Variants in CNTN5 observed in about 807,000 individuals in gnomAD.
CNTN5 encodes the protein contactin-5.
A neutral mutation model predicts 129.1 loss-of-function variants in CNTN5; 77 were observed. The ratio of observed to expected loss-of-function variants is 0.60; its 90% confidence interval spans 0.50 to 0.72. The LOEUF (loss-of-function observed/expected upper bound fraction) is 0.72. CNTN5 is among the 30% of genes least tolerant of loss of function. CNTN5 has a pLI of 0.00. For synonymous variants in CNTN5, 509 were observed against 465.6 expected, an observed-to-expected ratio of 1.09 and a Z score of -1.20; for missense variants, 1,478 against 1,328.8, an observed-to-expected ratio of 1.11 and a Z score of -1.75.
chr11:99,981,094 A>ATATATATATATATG (rs1364632953), intron 8 of CNTN5, among the ~76,000 whole-genome samples: 1 of 81,248 alleles, frequency 1.2e-5, no homozygotes, highest in East Asian at 4.2e-4. Context: ...ATATATATAT[A>ATATATATATATATG]TATATATATA....
chr11:100,117,296 C>A (rs1322426748), intron 13 of CNTN5, among the ~76,000 whole-genome samples: 2 of 151,870 alleles, frequency 1.3e-5, no homozygotes, highest in African/African-American at 4.8e-5. Context: ...CTTTGTGACA[C>A]TGATTGAGCC....
At chr11:99,506,986 A>G (rs898857108) in intron 2 of CNTN5, among the ~76,000 whole-genome samples, 1 of 152,220 alleles carries the variant, frequency 6.6e-6, no homozygotes, top group African/African-American at 2.4e-5. Flanking sequence ...TTTGACATCT[A>G]ACATATGAAA....
At chr11:99,959,995 A>T (rs1591483768) in intron 8 of CNTN5, among the ~76,000 whole-genome samples, 2 of 152,300 alleles carry the variant, frequency 1.3e-5, no homozygotes, top group East Asian at 3.9e-4. Flanking sequence ...AAAAACCCAC[A>T]AAATCCTACT....
chr11:99,671,432 G>A (rs1462754005), intron 3 of CNTN5, among the ~76,000 whole-genome samples: 1 of 152,118 alleles, frequency 6.6e-6, no homozygotes, highest in African/African-American at 2.4e-5. Context: ...ATACGGTTGG[G>A]TAAACTGCTG....
At chr11:99,319,189 A>T (rs1406503388) in intron 1 of CNTN5, among the ~76,000 whole-genome samples, 2 of 152,204 alleles carry the variant, frequency 1.3e-5, no homozygotes, top group African/African-American at 2.4e-5. Context: ...CTGATACTTA[A>T]TATGTGTGTA....
intron 2 of CNTN5, among the ~76,000 whole-genome samples, chr11:99,361,714 C>T (rs1342854619): frequency 6.6e-6 from 1 of 152,108 alleles, no homozygotes; most frequent in African/African-American, 2.4e-5. Context: ...CTAGGTTCCT[C>T]ATATAAGTGG....
intron 1 of CNTN5, among the ~76,000 whole-genome samples, chr11:99,118,834 A>G (rs1858167130): frequency 6.6e-6 from 1 of 151,922 alleles, no homozygotes; most frequent in Non-Finnish European, 1.5e-5. Context: ...ATACAGAATA[A>G]TTTAGGTATA....
rs568141481 is a variant in CNTN5, at chr11:99,168,220, A to G, written c.-210+146950A>G. 5.7e-4 allele frequency among the ~76,000 whole-genome samples: 87 copies of G among 152,280 alleles called. 1 individual carries two copies. The highest frequency in any genetic ancestry group is 2.1e-3 in the African/African-American group (86 of 41,574). ...TTGCCTTCCAAAGTGCTGGAATTAC[A>G]GGAGTGAGTCACCACACCTGACCAT... On this transcript the variant is annotated intron_variant, in intron 1 of 24. Coordinates refer to ENST00000524871, the MANE Select transcript of CNTN5 (RefSeq NM_014361.4).
intron 3 of CNTN5, among the ~76,000 whole-genome samples, chr11:99,614,897 C>T (rs1245050890): frequency 6.6e-6 from 1 of 151,848 alleles, no homozygotes; most frequent in Non-Finnish European, 1.5e-5. Context: ...TGAACTTTCT[C>T]AAGAACAAGG....
chr11:99,337,601 G>T (rs983015094), intron 2 of CNTN5, among the ~76,000 whole-genome samples: 1 of 152,084 alleles, frequency 6.6e-6, no homozygotes, highest in African/African-American at 2.4e-5. Context: ...CCTCATTCCC[G>T]TAAACCCACA....
chr11:99,058,118 G>A (rs1014129547), intron 1 of CNTN5, among the ~76,000 whole-genome samples: 7 of 151,912 alleles, frequency 4.6e-5, no homozygotes, highest in Non-Finnish European at 8.8e-5. Flanking sequence ...AAGAAAATTC[G>A]GAAGTTACTA....
chr11:100,349,476 T>G (rs1952357107), intron 23 of CNTN5, among the ~76,000 whole-genome samples: 1 of 151,886 alleles, frequency 6.6e-6, no homozygotes, highest in African/African-American at 2.4e-5. Flanking sequence ...AGGCGCTTTC[T>G]CATTTTACTC....
intron 1 of CNTN5, among the ~76,000 whole-genome samples, chr11:99,075,015 C>A (rs973363004): frequency 6.6e-6 from 1 of 152,054 alleles, no homozygotes; most frequent in African/African-American, 2.4e-5. Context: ...AAATCAGATA[C>A]TCTGTATATA....
intron 20 of CNTN5, among the ~76,000 whole-genome samples, chr11:100,301,711 TA>T (rs1951224230): frequency 6.6e-6 from 1 of 151,584 alleles, no homozygotes; most frequent in African/African-American, 2.4e-5. Context: ...AGAAAAGCAT[TA>T]ACCTGAGCTC....
chr11:100,191,181 G>T lies in CNTN5; in HGVS notation c.1636G>T (p.Glu546Ter). 6.2e-7 allele frequency: 1 copy of T among 1,611,686 alleles called. No individual in the cohort carries two copies. Among genetic ancestry groups the T allele is most frequent in the South Asian group, 1.1e-5 (1 of 90,968 alleles). ...LRILNASKSD[E>*]GKYVCRGENV... Reference sequence around the variant, plus strand: ...GATCCTAAATGCTTCCAAATCAGACGAGGGAAAGTACGTTTGCCGAGGGGA... The same window carrying T: ...GATCCTAAATGCTTCCAAATCAGACTAGGGAAAGTACGTTTGCCGAGGGGA... The change falls in exon 14 of 25, where the codon GAG (glutamate) becomes TAG (stop). Residue 546 changes from glutamate (E) to a stop codon, truncating the protein, a stop_gained. Coordinates refer to ENST00000524871, the MANE Select transcript of CNTN5 (RefSeq NM_014361.4). LOFTEE classifies it high-confidence loss of function.
chr11:99,328,739 GCATGTGTGTAATCCCA>G (rs1865883026), intron 2 of CNTN5, among the ~76,000 whole-genome samples: 1 of 151,522 alleles, frequency 6.6e-6, no homozygotes, highest in East Asian at 2.0e-4. Context: ...GCATGATGGT[GCATGTGTGTAATCCCA>G]GCTACTCAGG....
chr11:99,316,166 C>A (rs1411371440), intron 1 of CNTN5, among the ~76,000 whole-genome samples: 1 of 151,800 alleles, frequency 6.6e-6, no homozygotes, highest in Non-Finnish European at 1.5e-5. Context: ...CCAAGGGCAT[C>A]ATCCTGTAGA....
At chr11:99,846,200 A>C (rs920664728) in intron 6 of CNTN5, among the ~76,000 whole-genome samples, 25 of 151,398 alleles carry the variant, frequency 1.7e-4, no homozygotes, top group Non-Finnish European at 7.4e-5. Context: ...ACACCTGATT[A>C]AATGAAAATT....
intron 3 of CNTN5, among the ~76,000 whole-genome samples, chr11:99,640,853 G>T (rs1331735635): frequency 6.6e-6 from 1 of 152,190 alleles, no homozygotes; most frequent in African/African-American, 2.4e-5. Flanking sequence ...ATGCATGAAT[G>T]TATTTTTAAG....
Sources: gnomAD v4.1 joint callset for allele counts (sites outside exome capture counted in the v4.1 genomes callset) on GRCh38, gnomAD v4.1.1 for gene constraint, MANE v1.5 for transcripts, NCBI Gene and HGNC (gene_info 2026-07-23, HGNC 2026-07-21) for gene names.